SMCHD1: variants seen among roughly 807,000 people sequenced by gnomAD.
SMCHD1 encodes the protein structural maintenance of chromosomes flexible hinge domain-containing protein 1.
Under a neutral mutation model 254.7 loss-of-function variants are expected in SMCHD1, and 78 were observed. The ratio of observed to expected loss-of-function variants is 0.31; its 90% CI spans 0.26 to 0.37. The LOEUF (loss-of-function observed/expected upper bound fraction) is 0.37. Ranked by LOEUF, SMCHD1 falls within the 10% of genes least tolerant of loss-of-function variation. The probability of loss-of-function intolerance (pLI) is 1.00; values close to 1 mark genes in which losing one functional copy is unlikely to be tolerated. For missense variants in SMCHD1, 1,840 were observed against 2,408.1 expected (o/e 0.76, Z 4.94); for synonymous variants, 766 against 794.9 (o/e 0.96, Z 0.61).
At chr18:2,768,575 A>C (rs1055264249) in intron 37 of SMCHD1, among the ~76,000 whole-genome samples, 3 of 142,350 alleles carry the variant, frequency 2.1e-5, no homozygotes. Context: ...AACATACTAA[A>C]TATTTGCCAC....
rs547138497 is a variant in SMCHD1 at position 2,742,152 on chromosome 18, C to T, written c.3633+1331C>T. 3.3e-5 allele frequency among the ~76,000 whole-genome samples: 5 copies of T among 152,272 alleles called. No individual in the cohort carries two copies. In the East Asian group the frequency reaches 9.6e-4, roughly 29 times the overall value. On this transcript the variant is annotated intron_variant, in intron 28 of 47. Transcript: ENST00000320876. ...TTCTACTGCATTTGAAATCCATTGC[C>T]TTAGTATGGCCTGTAATACCTATAG...
At chr18:2,693,327 C>T (rs962556932) in intron 7 of SMCHD1, among the ~76,000 whole-genome samples, 3 of 152,142 alleles carry the variant, frequency 2.0e-5, no homozygotes, top group African/African-American at 7.2e-5. Context: ...TATTTTGTTG[C>T]TATGTGAACA....
chr18:2,721,968 AG>A (rs2074936274), intron 19 of SMCHD1, among the ~76,000 whole-genome samples: 1 of 152,212 alleles, frequency 6.6e-6, no homozygotes, highest in Admixed American at 6.5e-5. Context: ...ATAAGTTCTC[AG>A]GGGATGCTAA....
chr18:2,705,613 CT>C lies in SMCHD1; in HGVS notation c.1843-80del, dbSNP rs1568187731. 5.4e-6 allele frequency: 3 copies of C among 552,540 alleles called. No individual in the cohort carries two copies. The South Asian group carries it at 1.2e-4, about 23-fold the overall frequency. The allele number at this position is 552,540 out of a possible 1,614,324, so 34.2% of individuals were successfully genotyped here. On this transcript the variant is annotated intron_variant, in intron 13 of 47. Transcript: ENST00000320876. ...TTTTTTTCTTTGTAATAAAGAAGTT[CT>C]GTAAAATTATTATTAAGCCTTTTTC... is the stretch of plus-strand genomic sequence containing the variant.
At chr18:2,801,354 T>G (rs1035472513) in intron 47 of SMCHD1, 3 of 152,162 alleles carry the variant, frequency 2.0e-5, no homozygotes, top group African/African-American at 7.2e-5. Flanking sequence ...TATCATTTGT[T>G]TAGCTTTGTG....
chr18:2,706,365 A>T lies in SMCHD1; in HGVS notation c.1958A>T (p.Glu653Val), dbSNP rs1190138661. The change falls in exon 15 of 48, where the codon GAA becomes GTA. Residue 653 changes from glutamate to valine, a missense_variant and splice_region_variant. Glu to Val is a moderately radical substitution (Grantham distance 121). Around this residue, in one of 9 missense-constraint regions of SMCHD1, gnomAD observed 498 missense variants for 743.5 expected, o/e 0.67. Transcript: ENST00000320876. ...ATGGEVQIAM[E>V]PQALYDEVRT... ...ATGTTGGTAAATGTATTTATTCAGG[A>T]ACCTCAGGCACTATATGATGAAGTA... 1 of 1,550,408 alleles carries T rather than the reference A, an allele frequency of 6.4e-7. No individual in the cohort carries two copies. Among genetic ancestry groups the T allele is most frequent in the South Asian group, 1.2e-5 (1 of 80,440 alleles).
intron 24 of SMCHD1, 143 bp from the exon 25 acceptor site, chr18:2,732,122 T>C (rs1040033017): frequency 3.6e-6 from 2 of 558,268 alleles, no homozygotes; most frequent in Non-Finnish European, 6.3e-6. Flanking sequence ...GAATTATTAA[T>C]AGTATAATGC....
intron 41 of SMCHD1, among the ~76,000 whole-genome samples, chr18:2,772,802 G>A (rs1049218124): frequency 5.3e-5 from 8 of 152,250 alleles, no homozygotes; most frequent in Non-Finnish European, 1.2e-4. Flanking sequence ...AGCTGAAACT[G>A]AGGTCAAGTA....
chr18:2,671,313 T>G (rs776075239), intron 3 of SMCHD1, among the ~76,000 whole-genome samples: 1 of 152,212 alleles, frequency 6.6e-6, no homozygotes, highest in African/African-American at 2.4e-5. Context: ...TTTTAAACTC[T>G]TAATGTAGTT....
intron 8 of SMCHD1, among the ~76,000 whole-genome samples, chr18:2,696,645 GT>G (rs2074291849): frequency 6.6e-6 from 1 of 152,134 alleles, no homozygotes; most frequent in South Asian, 2.1e-4. Flanking sequence ...CGATAATTGA[GT>G]CCTTTCTGGA....
At chr18:2,711,799 C>A (rs1267532774) in intron 17 of SMCHD1, among the ~76,000 whole-genome samples, 5 of 152,160 alleles carry the variant, frequency 3.3e-5, no homozygotes, top group Admixed American at 3.3e-4. Context: ...TTGTCTTGAT[C>A]CCCGGTGTTG....
At chr18:2,776,282 G>A (rs1446227998) in intron 42 of SMCHD1, among the ~76,000 whole-genome samples, 2 of 151,940 alleles carry the variant, frequency 1.3e-5, no homozygotes, top group East Asian at 1.9e-4. Flanking sequence ...CAGGCTAGGC[G>A]TGATCACAAC....
chr18:2,681,378 A>G (rs1598305640), intron 5 of SMCHD1, among the ~76,000 whole-genome samples: 1 of 142,430 alleles, frequency 7.0e-6, no homozygotes, highest in Non-Finnish European at 1.5e-5. Flanking sequence ...GCGCCGCTGT[A>G]CTCCAGCCTG....
At chr18:2,760,477 G>A in intron 34 of SMCHD1, 175 bp from the exon 35 acceptor site, 1 of 514,952 alleles carries the variant, frequency 1.9e-6, no homozygotes, top group South Asian at 2.8e-5. Context: ...CAGGTAAGAG[G>A]AACCTGGGAG....
chr18:2,677,958 A>T (rs970105496), intron 5 of SMCHD1, among the ~76,000 whole-genome samples: 1 of 152,148 alleles, frequency 6.6e-6, no homozygotes, highest in Non-Finnish European at 1.5e-5. Flanking sequence ...TTTTCTAGGG[A>T]TTACAACCAG....
rs1333968494 is a variant in SMCHD1 at position 2,678,213 on chromosome 18, CTTTCTTTCTT to C, written c.638+4080_638+4089del. Among the ~76,000 whole-genome samples, 10 of 33,096 alleles carry C rather than the reference CTTTCTTTCTT, an allele frequency of 3.0e-4. No individual in the cohort carries two copies. The South Asian group carries it at 9.9e-3, about 33-fold the overall frequency. 21.7% of individuals were successfully genotyped at this position (33,096 alleles called of 152,430 possible). Reference sequence around the variant, plus strand: ...ATTTATACTGTCTTTTCTTTCTTTTCTTTCTTTCTTTTTCTTTCTTTCTTTCTTTCGTTCT... The same window carrying C: ...ATTTATACTGTCTTTTCTTTCTTTTCTTTCTTTCTTTCTTTCTTTCGTTCT... On this transcript the variant is annotated intron_variant, in intron 5 of 47. Transcript: ENST00000320876.
At chr18:2,673,426 TG>T in intron 4 of SMCHD1, 63 bp downstream of exon 4, 3 of 1,120,634 alleles carry the variant, frequency 2.7e-6, no homozygotes, top group Non-Finnish European at 3.7e-6. Context: ...AAAAGTTTAT[TG>T]GAGAAAATGA....
chr18:2,768,834 A>G (rs1485457552), intron 37 of SMCHD1, among the ~76,000 whole-genome samples: 1 of 151,870 alleles, frequency 6.6e-6, no homozygotes, highest in African/African-American at 2.4e-5. Flanking sequence ...TTTTAAATAC[A>G]TGTTTGCATT....
chr18:2,724,379 G>A (rs1483455366), intron 20 of SMCHD1, among the ~76,000 whole-genome samples: 1 of 151,788 alleles, frequency 6.6e-6, no homozygotes. Flanking sequence ...ACTCATGGAA[G>A]TAGATTAGGT....
Sources: allele counts gnomAD v4.1 joint callset (sites outside exome capture counted in the v4.1 genomes callset), GRCh38; gene constraint gnomAD v4.1.1; regional missense constraint gnomAD v4.1.1; transcripts MANE v1.5; gene names NCBI Gene and HGNC (gene_info 2026-07-23, HGNC 2026-07-21).